Variants in FAM171A1 observed in about 807,000 individuals in gnomAD.
FAM171A1 encodes the protein protein FAM171A1.
A neutral mutation model predicts 74.9 loss-of-function variants in FAM171A1; 23 were observed. The ratio of observed to expected loss-of-function variants is 0.31; its 90% CI spans 0.22 to 0.44. The LOEUF is 0.44. Among genes scored for constraint, FAM171A1 ranks in the 20% least tolerant of loss-of-function variants. FAM171A1 has a pLI of 1.00. For synonymous variants in FAM171A1, 527 were observed against 505.7 expected (o/e 1.04, Z -0.57); for missense variants, 1,162 against 1,159.2 (o/e 1.00, Z -0.03).
In FAM171A1 at chr10:15,301,775, G is replaced by A. The variant is rs147350707; in HGVS notation, c.98-17670C>T. Among the ~76,000 whole-genome samples the A allele has an allele frequency of 7.5e-3, 1,135 of 152,260 alleles. 11 individuals carry two copies. The highest frequency in any genetic ancestry group is 0.012 in the Non-Finnish European group (829 of 68,020). The stretch of plus-strand genomic sequence containing the variant: ...TGAGTAATAAACATCCCTTATCTCT[G>A]ACCGGGAAGTATCGTGTCTCCACCA... On this transcript the variant is annotated intron_variant, in intron 1 of 7. Transcript: ENST00000378116.
chr10:15,329,883 T>C (rs982930605), intron 1 of FAM171A1, among the ~76,000 whole-genome samples: 5 of 152,208 alleles, frequency 3.3e-5, no homozygotes, highest in African/African-American at 7.2e-5. Context: ...TTTGGCTTTT[T>C]AGTCTCATAA....
rs149799921 is a variant in FAM171A1, at chr10:15,220,352, C to G, written c.871+592G>C. ...TCTCCTGAGATGACCATTTTGAAAA[C>G]AAAACAAAACAAAACAAAACTCAAC... is the stretch of plus-strand genomic sequence containing the variant. On this transcript the variant is annotated intron_variant, in intron 6 of 7. Coordinates refer to ENST00000378116, the MANE Select transcript of FAM171A1 (RefSeq NM_001010924.2). Among the ~76,000 whole-genome samples, 1,189 of 152,058 alleles carry G rather than the reference C, an allele frequency of 7.8e-3. 12 individuals are homozygous for G. Among genetic ancestry groups the G allele is most frequent in the Middle Eastern group, 0.037 (11 of 294 alleles).
intron 1 of FAM171A1, among the ~76,000 whole-genome samples, chr10:15,291,800 A>G (rs532221378): frequency 2.8e-4 from 42 of 152,136 alleles, no homozygotes; most frequent in Non-Finnish European, 4.6e-4. Context: ...CTCTGCTCCA[A>G]TTGTGCCCTG....
At chr10:15,296,242 A>G (rs1306081618) in intron 1 of FAM171A1, among the ~76,000 whole-genome samples, 1 of 152,074 alleles carries the variant, frequency 6.6e-6, no homozygotes, top group Non-Finnish European at 1.5e-5. Context: ...GTATTATTCT[A>G]TTTTATTTTC....
intron 1 of FAM171A1, among the ~76,000 whole-genome samples, chr10:15,326,345 C>T (rs555162125): frequency 3.3e-5 from 5 of 152,096 alleles, no homozygotes; most frequent in Admixed American, 6.6e-5. Context: ...GACGGCATCT[C>T]GCTCTGTCAT....
chr10:15,245,297 C>T (rs1399584295), intron 5 of FAM171A1, among the ~76,000 whole-genome samples: 1 of 152,120 alleles, frequency 6.6e-6, no homozygotes, highest in Non-Finnish European at 1.5e-5. Context: ...AAACTCTTGA[C>T]CTCAGGTGAT....
chr10:15,357,283 A>AAAAT lies in FAM171A1; in HGVS notation c.97+13669_97+13672dup, dbSNP rs570615164. Among the ~76,000 whole-genome samples the AAAAT allele has an allele frequency of 1.5e-3, 222 of 152,316 alleles. 2 individuals are homozygous for AAAAT. Among genetic ancestry groups the AAAAT allele is most frequent in the Admixed American group, 6.3e-3 (97 of 15,288 alleles). On this transcript the variant is annotated intron_variant, in intron 1 of 7. Coordinates refer to ENST00000378116, the MANE Select transcript of FAM171A1 (RefSeq NM_001010924.2). The stretch of plus-strand genomic sequence containing the variant: ...GGGTGACAGAGCGAGACTCCGTCTC[A>AAAAT]AAATAAATAAATAAATAAATAAACA...
chr10:15,273,446 C>A (rs1485990567), intron 3 of FAM171A1, among the ~76,000 whole-genome samples: 1 of 152,132 alleles, frequency 6.6e-6, no homozygotes, highest in Non-Finnish European at 1.5e-5. Flanking sequence ...AATTCACAGA[C>A]GAATTCTACA....
chr10:15,326,882 C>G (rs369649416), intron 1 of FAM171A1, among the ~76,000 whole-genome samples: 6 of 152,316 alleles, frequency 3.9e-5, no homozygotes, highest in African/African-American at 1.4e-4. Flanking sequence ...CCCACCCTGG[C>G]TTCCTAAAGG....
chr10:15,241,955 T>C (rs1219894334), intron 5 of FAM171A1, among the ~76,000 whole-genome samples: 1 of 152,028 alleles, frequency 6.6e-6, no homozygotes, highest in Non-Finnish European at 1.5e-5. Flanking sequence ...CAGGCCACAG[T>C]TGGCCAAACC....
chr10:15,233,722 T>C (rs997890327), intron 5 of FAM171A1, among the ~76,000 whole-genome samples: 10 of 151,936 alleles, frequency 6.6e-5, no homozygotes, highest in African/African-American at 2.4e-4. Context: ...GCCAATGTGG[T>C]GAAACCCCAT....
chr10:15,240,171 G>A (rs373953641), intron 5 of FAM171A1, among the ~76,000 whole-genome samples: 1 of 152,192 alleles, frequency 6.6e-6, no homozygotes, highest in Non-Finnish European at 1.5e-5. Context: ...GACCAGCCTG[G>A]TCAACATGGT....
intron 1 of FAM171A1, among the ~76,000 whole-genome samples, chr10:15,349,044 C>G (rs12767401): frequency 0.012 from 1,753 of 152,286 alleles, 25 homozygotes; most frequent in Non-Finnish European, 0.019. Flanking sequence ...AAATGGAAAC[C>G]ATTTTTCACA....
intron 1 of FAM171A1, among the ~76,000 whole-genome samples, chr10:15,365,861 G>A (rs541522151): frequency 6.6e-5 from 10 of 152,236 alleles, no homozygotes; most frequent in African/African-American, 2.4e-4. Flanking sequence ...AGTAAGAGGA[G>A]CTGGCGAATG....
In FAM171A1 at chr10:15,224,334, G is replaced by A. The variant is rs115223086; in HGVS notation, c.755-3274C>T. Among the ~76,000 whole-genome samples the A allele has an allele frequency of 5.0e-3, 761 of 152,270 alleles. 7 individuals are homozygous for A. Among genetic ancestry groups the A allele is most frequent in the African/African-American group, 0.017 (699 of 41,544 alleles). On this transcript the variant is annotated intron_variant, in intron 5 of 7. Transcript: ENST00000378116. ...CACAGAGGCCCCGGGTGAACAGGAC[G>A]GAGCAGCTGTGCCCGGGCTGGAAAG...
chr10:15,313,153 T>A (rs1835383788), intron 1 of FAM171A1, among the ~76,000 whole-genome samples: 1 of 152,180 alleles, frequency 6.6e-6, no homozygotes, highest in African/African-American at 2.4e-5. Flanking sequence ...CCCAGGGCAC[T>A]GGATGGGAGC....
At chr10:15,309,278 G>A (rs1181289191) in intron 1 of FAM171A1, among the ~76,000 whole-genome samples, 1 of 152,166 alleles carries the variant, frequency 6.6e-6, no homozygotes, top group Admixed American at 6.5e-5. Context: ...GCACGATCAT[G>A]GCTCACGCAG....
chr10:15,263,013 G>A (rs889611350), intron 3 of FAM171A1, among the ~76,000 whole-genome samples: 2 of 152,212 alleles, frequency 1.3e-5, no homozygotes, highest in Admixed American at 6.5e-5. Context: ...CATATGGAGT[G>A]TGCTGGGAAA....
chr10:15,295,704 G>T (rs1466054842), intron 1 of FAM171A1, among the ~76,000 whole-genome samples: 2 of 152,088 alleles, frequency 1.3e-5, no homozygotes, highest in Non-Finnish European at 2.9e-5. Context: ...GCATTTTATG[G>T]GCTGGCCACT....
Sources: gnomAD v4.1 joint callset for allele counts (sites outside exome capture counted in the v4.1 genomes callset) on GRCh38, gnomAD v4.1.1 for gene constraint, MANE v1.5 for transcripts, NCBI Gene and HGNC (gene_info 2026-07-23, HGNC 2026-07-21) for gene names.